IPO11: variants seen among roughly 807,000 people sequenced by gnomAD.
IPO11 encodes importin-11.
A neutral mutation model predicts 143.2 loss-of-function variants in IPO11; 66 were observed. The ratio of observed to expected loss-of-function variants is 0.46; its 90% CI spans 0.38 to 0.57. The LOEUF (loss-of-function observed/expected upper bound fraction) is 0.57. Among genes scored for constraint, IPO11 ranks in the 20% least tolerant of loss-of-function variants. The probability of loss-of-function intolerance (pLI) is 0.00; values close to 1 mark genes in which losing one functional copy is unlikely to be tolerated. For missense variants in IPO11, 1,026 were observed against 1,141.0 expected (o/e 0.90, Z 1.45); for synonymous variants, 385 against 377.8 (o/e 1.02, Z -0.22).
intron 6 of IPO11, 109 bp downstream of exon 6, chr5:62,467,372 A>C: frequency 8.5e-7 from 1 of 1,174,186 alleles, no homozygotes; most frequent in East Asian, 2.4e-5. Context: ...GAAAAATAAG[A>C]GGTTTATTTC....
intron 29 of IPO11, among the ~76,000 whole-genome samples, chr5:62,609,934 C>T (rs566626691): frequency 1.3e-5 from 2 of 151,822 alleles, no homozygotes; most frequent in African/African-American, 2.4e-5. Flanking sequence ...CTGCTTCTGG[C>T]GCCTGCTCCT....
intron 7 of IPO11, among the ~76,000 whole-genome samples, chr5:62,470,784 A>G (rs1342860565): frequency 1.4e-5 from 2 of 139,854 alleles, no homozygotes; most frequent in African/African-American, 5.3e-5. Flanking sequence ...ATAAGTTGTG[A>G]TATATATTCA....
intron 26 of IPO11, among the ~76,000 whole-genome samples, chr5:62,552,013 A>G (rs1159987101): frequency 1.3e-5 from 2 of 152,110 alleles, no homozygotes; most frequent in Non-Finnish European, 2.9e-5. Context: ...AGTCCCAGCT[A>G]CTTGGGAGGC....
chr5:62,424,203 A>G (rs937072745), intron 1 of IPO11, among the ~76,000 whole-genome samples: 14 of 150,482 alleles, frequency 9.3e-5, no homozygotes, highest in African/African-American at 3.4e-4. Context: ...GCAGTGGCGC[A>G]ATCCGAGCTC....
At chr5:62,496,079 G>A (rs1257411390) in intron 16 of IPO11, among the ~76,000 whole-genome samples, 1 of 152,112 alleles carries the variant, frequency 6.6e-6, no homozygotes, top group Non-Finnish European at 1.5e-5. Context: ...CACGAGGTCA[G>A]GAGTTTGAGA....
Position 62,504,553 on chromosome 5 carries a change from A to G in IPO11, c.1591-114A>G, listed in dbSNP as rs1464287472. ...TTTCTGAATATTTACATGGTCTGTG[A>G]CTCTAATAATAATAAGAGTACAGAA... On this transcript the variant is annotated intron_variant, in intron 16 of 29. Coordinates refer to ENST00000325324, the MANE Select transcript of IPO11 (RefSeq NM_016338.5). 3 of 627,812 alleles carry G rather than the reference A, an allele frequency of 4.8e-6. No homozygotes were observed. The African/African-American group carries it at 5.8e-5, about 12-fold the overall frequency. 38.9% of individuals were successfully genotyped at this position (627,812 alleles called of 1,614,324 possible).
At chr5:62,432,702 T>C (rs1445495648) in intron 1 of IPO11, among the ~76,000 whole-genome samples, 3 of 152,242 alleles carry the variant, frequency 2.0e-5, no homozygotes, top group Non-Finnish European at 4.4e-5. Context: ...TCTGTGGAGC[T>C]ACTTATGTCA....
At chr5:62,473,123 G>A (rs1484364577) in intron 7 of IPO11, among the ~76,000 whole-genome samples, 1 of 152,112 alleles carries the variant, frequency 6.6e-6, no homozygotes, top group Non-Finnish European at 1.5e-5. Flanking sequence ...TAAAAAGACA[G>A]AAATAGTATG....
intron 27 of IPO11, among the ~76,000 whole-genome samples, chr5:62,585,009 A>G (rs1053015331): frequency 6.6e-6 from 1 of 152,148 alleles, no homozygotes; most frequent in African/African-American, 2.4e-5. Flanking sequence ...CTTATCCTGA[A>G]TAATGTGGAG....
At chr5:62,453,044 T>C (rs929764063) in intron 5 of IPO11, among the ~76,000 whole-genome samples, 11 of 150,944 alleles carry the variant, frequency 7.3e-5, no homozygotes, top group Admixed American at 5.2e-4. Context: ...TTAAGTCTTA[T>C]TATACGGTCA....
At chr5:62,555,574 G>A (rs1341711359) in intron 26 of IPO11, among the ~76,000 whole-genome samples, 1 of 151,602 alleles carries the variant, frequency 6.6e-6, no homozygotes, top group East Asian at 1.9e-4. Flanking sequence ...TGCAGTCTCG[G>A]CTCGCTGCAA....
rs191024155 is a variant in IPO11 at position 62,582,119 on chromosome 5, A to G, written c.2583-9458A>G. On this transcript the variant is annotated intron_variant, in intron 27 of 29. Coordinates refer to ENST00000325324, the MANE Select transcript of IPO11 (RefSeq NM_016338.5). Reference sequence around the variant, plus strand: ...TTTATCTTGAGGGCAACAGAGAGCCATTGAAGGATTTTTAAGCAGTAGAGT... The same window carrying G: ...TTTATCTTGAGGGCAACAGAGAGCCGTTGAAGGATTTTTAAGCAGTAGAGT... Among the ~76,000 whole-genome samples the G allele has an allele frequency of 1.4e-4, 22 of 152,330 alleles. No homozygotes were observed. In the East Asian group the frequency reaches 4.2e-3, roughly 29 times the overall value.
chr5:62,448,719 G>GT (rs1744804888), intron 3 of IPO11, among the ~76,000 whole-genome samples: 2 of 152,046 alleles, frequency 1.3e-5, no homozygotes, highest in Admixed American at 1.3e-4. Flanking sequence ...TTCTGCTAAT[G>GT]TTTTTTAGTT....
At chr5:62,450,077 A>G in intron 4 of IPO11, 78 bp downstream of exon 4, 1 of 939,658 alleles carries the variant, frequency 1.1e-6, no homozygotes, top group Admixed American at 2.7e-5. Context: ...TGGCATTAAA[A>G]TGAAAAATAA....
At chr5:62,427,459 G>A (rs1743798721) in intron 1 of IPO11, among the ~76,000 whole-genome samples, 1 of 152,130 alleles carries the variant, frequency 6.6e-6, no homozygotes, top group Non-Finnish European at 1.5e-5. Flanking sequence ...CATAGGGCAG[G>A]TGTCCCCAGC....
At chr5:62,577,793 A>G (rs987577128) in intron 27 of IPO11, among the ~76,000 whole-genome samples, 10 of 152,108 alleles carry the variant, frequency 6.6e-5, no homozygotes, top group Non-Finnish European at 1.5e-4. Flanking sequence ...TATTATTTCT[A>G]AAGTAATTGT....
intron 7 of IPO11, among the ~76,000 whole-genome samples, chr5:62,470,960 T>C (rs778760455): frequency 3.3e-5 from 5 of 151,208 alleles, no homozygotes; most frequent in Non-Finnish European, 7.4e-5. Flanking sequence ...CCCAAGTCAC[T>C]GGGATTACAG....
chr5:62,567,492 A>T (rs199524468), intron 27 of IPO11, among the ~76,000 whole-genome samples: 69,458 of 124,450 alleles, frequency 0.56, 19,194 homozygotes, highest in South Asian at 0.66. Context: ...TATTATTATT[A>T]TTATTTTTTT....
chr5:62,419,251 A>G, intron 1 of IPO11: 1 of 1,050,358 alleles, frequency 9.5e-7, no homozygotes, highest in South Asian at 2.2e-5. Flanking sequence ...AGGACTGGAA[A>G]TTGGTTTGGA....
Sources: allele counts gnomAD v4.1 joint callset (sites outside exome capture counted in the v4.1 genomes callset), GRCh38; gene constraint gnomAD v4.1.1; transcripts MANE v1.5; gene names NCBI Gene and HGNC (gene_info 2026-07-23, HGNC 2026-07-21).